The following SORT1 variants were observed in gnomAD, a reference collection of about 807,000 sequenced individuals.
The protein encoded by SORT1 is sortilin 1.
Under a neutral mutation model 101.7 loss-of-function variants are expected in SORT1, and 39 were observed. That is an observed-to-expected ratio of 0.38 (90% CI 0.30 to 0.50). The LOEUF (loss-of-function observed/expected upper bound fraction) is 0.50, where lower values mean the gene tolerates loss of function less well. Among genes scored for constraint, SORT1 ranks in the 20% least tolerant of loss-of-function variants. The pLI is 0.90. For synonymous variants in SORT1, 396 were observed against 393.7 expected (o/e 1.01, Z -0.07); for missense variants, 878 against 1,040.4 (o/e 0.84, Z 2.15).
At chr1:109,328,145 A>G (rs1362768863) in intron 11 of SORT1, among the ~76,000 whole-genome samples, 1 of 152,236 alleles carries the variant, frequency 6.6e-6, no homozygotes, top group Non-Finnish European at 1.5e-5. Context: ...TTATCTGTCA[A>G]TAGACACAAG....
intron 1 of SORT1, chr1:109,392,480 A>G (rs1190300022): frequency 1.1e-5 from 4 of 353,032 alleles, no homozygotes; most frequent in Non-Finnish European, 1.6e-5. Context: ...TAGAAATTGA[A>G]CAGAACATAA....
intron 3 of SORT1, 142 bp from the exon 4 acceptor site, chr1:109,355,611 A>G (rs1439039034): frequency 6.5e-6 from 3 of 465,008 alleles, no homozygotes; most frequent in Non-Finnish European, 1.2e-5. Flanking sequence ...CTAGCTCCAG[A>G]GGTGCCCTGG....
rs556606272 is a variant in SORT1, at chr1:109,390,260, T to C, written c.306+7327A>G. On this transcript the variant is annotated intron_variant, in intron 1 of 19. Coordinates refer to ENST00000256637, the MANE Select transcript of SORT1 (RefSeq NM_002959.7). ...AGTGAAACATCTCTGAACACCTAAA[T>C]CCTTAAGATAGCCCCAGTGCTTTGC... 4.5e-4 allele frequency among the ~76,000 whole-genome samples: 69 copies of C among 152,286 alleles called. No individual in the cohort carries two copies. In the South Asian group the frequency reaches 0.014, roughly 30 times the overall value.
intron 10 of SORT1, among the ~76,000 whole-genome samples, chr1:109,338,356 C>T (rs982856175): frequency 3.3e-5 from 5 of 152,046 alleles, no homozygotes; most frequent in Admixed American, 2.6e-4. Context: ...GGGAGGAAAC[C>T]GGGAGCCATA....
At chr1:109,352,014 G>A (rs1003266548) in intron 5 of SORT1, among the ~76,000 whole-genome samples, 5 of 151,000 alleles carry the variant, frequency 3.3e-5, no homozygotes, top group Non-Finnish European at 7.4e-5. Context: ...GTACGCACGT[G>A]CATGCACATG....
chr1:109,362,620 A>C (rs1371027739), intron 3 of SORT1, among the ~76,000 whole-genome samples: 1 of 152,164 alleles, frequency 6.6e-6, no homozygotes, highest in Non-Finnish European at 1.5e-5. Context: ...TGAAACTACA[A>C]GTGGGAAAAT....
intron 2 of SORT1, among the ~76,000 whole-genome samples, chr1:109,369,055 C>T (rs987060030): frequency 9.6e-5 from 12 of 125,114 alleles, no homozygotes; most frequent in African/African-American, 3.4e-4. Flanking sequence ...CGCAGTGGCT[C>T]ATGCCTGTAA....
chr1:109,326,466 C>T (rs111417378), intron 13 of SORT1, among the ~76,000 whole-genome samples: 20,317 of 49,220 alleles, frequency 0.41, 2,922 homozygotes, highest in East Asian at 0.51. Flanking sequence ...TATATATATA[C>T]ATACACACAC....
intron 1 of SORT1, among the ~76,000 whole-genome samples, chr1:109,388,182 C>T (rs1652695923): frequency 6.6e-6 from 1 of 151,664 alleles, no homozygotes; most frequent in African/African-American, 2.4e-5. Flanking sequence ...ATCCTCCTGC[C>T]TCAGCCTTCC....
At chr1:109,355,933 T>G (rs904992844) in intron 3 of SORT1, among the ~76,000 whole-genome samples, 8 of 151,944 alleles carry the variant, frequency 5.3e-5, no homozygotes, top group African/African-American at 1.9e-4. Flanking sequence ...TGGAGTGCAG[T>G]GATGCAATCT....
rs753238405 is a variant in SORT1 at position 109,327,177 on chromosome 1, C to CATCT, written c.1475-21_1475-18dup. 6.2e-7 allele frequency: 1 copy of CATCT among 1,600,616 alleles called. No homozygotes were observed. The highest frequency in any genetic ancestry group is 8.5e-7 in the Non-Finnish European group (1 of 1,169,596). ...CCACGCTACCTGCAATATAATCCAC[C>CATCT]ATCTCATTAGCACAAATAGGCAATG... On this transcript the variant is annotated splice_polypyrimidine_tract_variant and intron_variant, in intron 12 of 19. Coordinates refer to ENST00000256637, the MANE Select transcript of SORT1 (RefSeq NM_002959.7).
chr1:109,392,333 G>A (rs963603679), intron 1 of SORT1, among the ~76,000 whole-genome samples: 4 of 152,190 alleles, frequency 2.6e-5, no homozygotes, highest in Admixed American at 6.5e-5. Flanking sequence ...GCCTGTTGAC[G>A]AGAGTTGACT....
rs770090440 is a variant in SORT1 at position 109,345,802 on chromosome 1, G to A, written c.912C>T (p.Tyr304=). ...GGAAACGTCCCCCAAGACCAAATGA[G>A]TAGATTTTCACACCAATAGTTTTGA... ...KSFKTIGVKI[Y]SFGLGGRFLF... Residue 304 remains tyrosine (Y), a synonymous_variant, in exon 8 of 20, where the codon TAC becomes TAT. Coordinates refer to ENST00000256637, the MANE Select transcript of SORT1 (RefSeq NM_002959.7). 1.2e-6 allele frequency: 2 copies of A among 1,613,602 alleles called. No individual in the cohort carries two copies. The highest frequency in any genetic ancestry group is 2.2e-5 in the East Asian group (1 of 44,892).
Position 109,360,979 on chromosome 1 carries a change from CTGAT to C in SORT1, c.441-5514_441-5511del, listed in dbSNP as rs1331347644. ...ACTGGCAGTTTTCCTGTTGGGGTGA[CTGAT>C]TGAGTTCTTAGTTTACACCTATGCT... On this transcript the variant is annotated intron_variant, in intron 3 of 19. Transcript: ENST00000256637. Among the ~76,000 whole-genome samples, 9 of 152,204 alleles carry C rather than the reference CTGAT, an allele frequency of 5.9e-5. No individual in the cohort carries two copies. The East Asian group carries it at 1.3e-3, about 23-fold the overall frequency.
At chr1:109,340,676 C>G in intron 10 of SORT1, 48 bp downstream of exon 10, 1 of 1,602,140 alleles carries the variant, frequency 6.2e-7, no homozygotes, top group Non-Finnish European at 8.5e-7. Flanking sequence ...TCAAATCCTA[C>G]CACATGCAGC....
chr1:109,338,991 C>G (rs989627715), intron 10 of SORT1, among the ~76,000 whole-genome samples: 6 of 152,050 alleles, frequency 3.9e-5, no homozygotes, highest in African/African-American at 1.4e-4. Flanking sequence ...CATTCTCCTG[C>G]CTCAGTCTCC....
Position 109,325,285 on chromosome 1 carries a change from T to C in SORT1, c.1644-196A>G, listed in dbSNP as rs189720592. On this transcript the variant is annotated intron_variant, in intron 13 of 19. Coordinates refer to ENST00000256637, the MANE Select transcript of SORT1 (RefSeq NM_002959.7). ...ATGGAGTCTCACTCTGTCACCGGGC[T>C]GGAGTGCAGTGGCGCGATCTCGACT... Among the ~76,000 whole-genome samples, 226 of 142,180 alleles carry C rather than the reference T, an allele frequency of 1.6e-3. No homozygotes were observed. The Middle Eastern group carries it at 0.016, about 10-fold the overall frequency. The allele number at this position is 142,180 out of a possible 152,430, so 93.3% of individuals were successfully genotyped here.
intron 8 of SORT1, among the ~76,000 whole-genome samples, chr1:109,343,290 G>A (rs1266659349): frequency 2.0e-5 from 3 of 152,044 alleles, no homozygotes; most frequent in East Asian, 3.9e-4. Context: ...CACTCCAATC[G>A]GCCTTTTAAC....
rs2228606 is a variant in SORT1, at chr1:109,336,281, C to T, written c.1330G>A (p.Glu444Lys). 1.2e-6 allele frequency: 2 copies of T among 1,613,572 alleles called. No individual in the cohort carries two copies. Among genetic ancestry groups the T allele is most frequent in the Admixed American group, 3.3e-5 (2 of 60,014 alleles). Residue 444 changes from glutamate to lysine, a missense_variant, in exon 11 of 20, where the codon GAA (glutamate) becomes AAA (lysine). Physicochemically the swap from Glu to Lys is moderately conservative, Grantham distance 56. Coordinates refer to ENST00000256637, the MANE Select transcript of SORT1 (RefSeq NM_002959.7). Reference protein sequence around the residue: ...GGRWTHLRKPENSECDATAKN... With the variant: ...GGRWTHLRKPKNSECDATAKN... The stretch of plus-strand genomic sequence containing the variant: ...GCTGTAGCATCACATTCACTGTTTT[C>T]AGGCTTCCTCAGGTGCGTCCACCTT...
Sources: allele counts gnomAD v4.1 joint callset (sites outside exome capture counted in the v4.1 genomes callset), GRCh38; gene constraint gnomAD v4.1.1; transcripts MANE v1.5; gene names NCBI Gene and HGNC (gene_info 2026-07-23, HGNC 2026-07-21).